Variants in PXN observed in about 807,000 individuals in gnomAD.
PXN encodes the protein testicular tissue protein Li 134.
A neutral mutation model predicts 103.6 loss-of-function variants in PXN; 61 were observed. That is an observed-to-expected ratio of 0.59 (90% confidence interval 0.48 to 0.73). PXN has a LOEUF of 0.73. Ranked by LOEUF, PXN falls within the 30% of genes least tolerant of loss-of-function variation. PXN has a pLI of 0.00. For synonymous variants in PXN, 562 were observed against 607.8 expected (o/e 0.92, Z 1.11); for missense variants, 1,274 against 1,460.3 (o/e 0.87, Z 2.08).
rs1880126532 is a variant in PXN, at chr12:120,211,373, T to C, written c.*941A>G. 2 of 154,550 alleles carry C rather than the reference T, an allele frequency of 1.3e-5. No individual in the cohort carries two copies. The highest frequency in any genetic ancestry group is 2.9e-5 in the Non-Finnish European group (2 of 69,362). The allele number at this position is 154,550 out of a possible 1,614,324, so 9.6% of individuals were successfully genotyped here. ...GAAAGAGGGGGAGTCACAGAGCTGC[T>C]CCCAGTTCACCTGCTTGTGCTAAGA... On this transcript the variant is annotated 3_prime_UTR_variant, in exon 15 of 15. Transcript: ENST00000637617.
rs909252952 is a variant in PXN, at chr12:120,219,759, C to T, written c.1164G>A (p.Pro388=). The T allele has an allele frequency of 8.1e-6, 13 of 1,597,284 alleles. No homozygotes were observed. The highest frequency in any genetic ancestry group is 4.5e-5 in the East Asian group (2 of 44,832). ...ESQGRDWRHL[P]TITSELSGAP... ...CCCCAGAGAGCTCACTTGTGATGGT[C>T]GGCAGGTGCCTCCAATCTCGACCCT... The change falls in exon 7 of 15, where the codon CCG becomes CCA. Residue 388 remains proline, a synonymous_variant. Coordinates refer to ENST00000637617, the MANE Select transcript of PXN (RefSeq NM_001385981.1). This position sits in a 1 kb window ranked among gnomAD's most constrained non-coding sequence, Gnocchi z 6.5.
chr12:120,212,466 T>C lies in PXN; in HGVS notation c.3094A>G (p.Ile1032Val). The C allele has an allele frequency of 4.3e-6, 7 of 1,613,942 alleles. No individual in the cohort carries two copies. The highest frequency in any genetic ancestry group is 5.1e-6 in the Non-Finnish European group (6 of 1,179,872). Residue 1032 changes from isoleucine (I) to valine (V), a missense_variant, in exon 15 of 15, where the codon ATC becomes GTC. Physicochemically the swap from Ile to Val is conservative, Grantham distance 29 (BLOSUM62 3). Around this residue, in one of 2 missense-constraint regions of PXN, gnomAD observed 96 missense variants for 151.3 expected, o/e 0.63. Transcript: ENST00000637617. The surrounding 1 kb of genome is among the most constrained non-coding windows in gnomAD (Gnocchi z 7.2). Reference sequence around the variant, plus strand: ...ATGGCGGTGATGCAGCGGCCGGTGATGGGCTTCTGGCAGCCAGAACACAGC... The same window carrying C: ...ATGGCGGTGATGCAGCGGCCGGTGACGGGCTTCTGGCAGCCAGAACACAGC... ...GSLCSGCQKPITGRCITAMAK... is the reference protein window; with the variant it reads ...GSLCSGCQKPVTGRCITAMAK...
intron 1 of PXN, among the ~76,000 whole-genome samples, chr12:120,255,851 G>C (rs186621611): frequency 6.4e-4 from 96 of 151,154 alleles, no homozygotes; most frequent in Non-Finnish European, 5.9e-5. Flanking sequence ...TTCGAGACCA[G>C]CCTGGCCAAC....
Position 120,215,284 on chromosome 12 carries a change from G to A in PXN, c.2404-11C>T, listed in dbSNP as rs573361840. ...CCCCTGGGCCATGAACTGTGGACAC[G>A]GAGGGGGCTGGTCAGGACTCCTGAG... On this transcript the variant is annotated splice_polypyrimidine_tract_variant and intron_variant, in intron 10 of 14. Transcript: ENST00000637617. The surrounding 1 kb of genome is among the most constrained non-coding windows in gnomAD (Gnocchi z 4.9). 9.3e-5 allele frequency: 146 copies of A among 1,576,622 alleles called. 3 individuals are homozygous for A. The South Asian group carries it at 1.5e-3, about 16-fold the overall frequency.
chr12:120,230,788 G>T (rs1052456912), intron 1 of PXN, among the ~76,000 whole-genome samples: 23 of 152,122 alleles, frequency 1.5e-4, no homozygotes, highest in African/African-American at 4.8e-4. Flanking sequence ...TCTGTCCTCA[G>T]TAAGGGCCAA....
intron 1 of PXN, among the ~76,000 whole-genome samples, chr12:120,258,753 C>G (rs1893409590): frequency 6.6e-6 from 1 of 151,842 alleles, no homozygotes; most frequent in South Asian, 2.1e-4. Flanking sequence ...TCCTTTTTTT[C>G]ATTATATCAT....
chr12:120,222,719 C>T lies in PXN; in HGVS notation c.525G>A (p.Gly175=). The change falls in exon 5 of 15, where the codon GGG becomes GGA. Residue 175 remains glycine, a synonymous_variant. Coordinates refer to ENST00000637617, the MANE Select transcript of PXN (RefSeq NM_001385981.1). This position sits in a 1 kb window ranked among gnomAD's most constrained non-coding sequence, Gnocchi z 4.7. Reference sequence around the variant, plus strand: ...GGACACCATAGAGGGGGCTCAGGGCCCCAGGAAGCGGGGGGCTTGAGTTGG... The same window carrying T: ...GGACACCATAGAGGGGGCTCAGGGCTCCAGGAAGCGGGGGGCTTGAGTTGG... The part of the protein sequence containing the change: ...DEANSSPPLP[G]ALSPLYGVPE... 6.2e-7 allele frequency: 1 copy of T among 1,608,418 alleles called. No individual in the cohort carries two copies. Among genetic ancestry groups the T allele is most frequent in the East Asian group, 2.2e-5 (1 of 44,734 alleles).
At position 120,224,519 on chromosome 12, in the gene PXN, C is replaced by T; in HGVS notation, c.14-142G>A. 1.3e-6 allele frequency: 1 copy of T among 764,792 alleles called. No homozygotes were observed. Among genetic ancestry groups the T allele is most frequent in the Non-Finnish European group, 2.3e-6 (1 of 426,624 alleles). 47.4% of individuals were successfully genotyped at this position (764,792 alleles called of 1,614,324 possible). A position where few individuals can be genotyped will look rare whatever the true frequency, so the allele number is the denominator to read the frequency against. Reference sequence around the variant, plus strand: ...ATGGGAGAAATGACCAGCCTTGGGACAGGAAGCCACCAGCCCCGACCAGCC... The same window carrying T: ...ATGGGAGAAATGACCAGCCTTGGGATAGGAAGCCACCAGCCCCGACCAGCC... On this transcript the variant is annotated intron_variant, in intron 1 of 14. Coordinates refer to ENST00000637617, the MANE Select transcript of PXN (RefSeq NM_001385981.1). This position sits in a 1 kb window ranked among gnomAD's most constrained non-coding sequence, Gnocchi z 5.0.
chr12:120,258,482 C>G (rs1331392128), intron 1 of PXN, among the ~76,000 whole-genome samples: 1 of 152,200 alleles, frequency 6.6e-6, no homozygotes, highest in Non-Finnish European at 1.5e-5. Context: ...GTCTTCCCAC[C>G]ACCTGCTCAA....
At chr12:120,263,006 A>G (rs1203888533) in intron 1 of PXN, among the ~76,000 whole-genome samples, 2 of 152,138 alleles carry the variant, frequency 1.3e-5, no homozygotes, top group Non-Finnish European at 2.9e-5. Flanking sequence ...AGAGTTCCCC[A>G]TTTTTTATTA....
chr12:120,241,500 A>G (rs1230598201), intron 1 of PXN, among the ~76,000 whole-genome samples: 1 of 152,212 alleles, frequency 6.6e-6, no homozygotes, highest in Non-Finnish European at 1.5e-5. Context: ...GATGGCTCCA[A>G]TCGCGTTCAC....
In PXN at chr12:120,224,107, T is replaced by A. The variant is rs185318743; in HGVS notation, c.240+44A>T. The A allele has an allele frequency of 1.4e-6, 2 of 1,437,112 alleles. No homozygotes were observed. Among genetic ancestry groups the A allele is most frequent in the Admixed American group, 4.4e-5 (2 of 45,894 alleles). 89.0% of individuals were successfully genotyped at this position (1,437,112 alleles called of 1,614,324 possible). The stretch of plus-strand genomic sequence containing the variant: ...GCCCCTGCCAGCTAAGTTCCCTCTG[T>A]CCCCCAGCCTCCTTGGCCTTCCCAG... On this transcript the variant is annotated intron_variant, in intron 2 of 14. Coordinates refer to ENST00000637617, the MANE Select transcript of PXN (RefSeq NM_001385981.1). This position sits in a 1 kb window ranked among gnomAD's most constrained non-coding sequence, Gnocchi z 5.0.
Position 120,217,958 on chromosome 12 carries a change from A to G in PXN, c.1717-842T>C, listed in dbSNP as rs1883774759. Reference sequence around the variant, plus strand: ...ATTTATATTATTATGCTAATATTATATTATGCTATTATACTTGTTGGTAGT... The same window carrying G: ...ATTTATATTATTATGCTAATATTATGTTATGCTATTATACTTGTTGGTAGT... On this transcript the variant is annotated intron_variant, in intron 7 of 14. Transcript: ENST00000637617. This position sits in a 1 kb window ranked among gnomAD's most constrained non-coding sequence, Gnocchi z 4.1. Among the ~76,000 whole-genome samples, 1 of 148,392 alleles carries G rather than the reference A, an allele frequency of 6.7e-6. No homozygotes were observed. Among genetic ancestry groups the G allele is most frequent in the Admixed American group, 6.7e-5 (1 of 14,916 alleles).
rs937387797 is a variant in PXN at position 120,214,904 on chromosome 12, T to A, written c.2669A>T (p.Asp890Val). The A allele has an allele frequency of 6.2e-7, 1 of 1,613,990 alleles. No homozygotes were observed. Among genetic ancestry groups the A allele is most frequent in the South Asian group, 1.1e-5 (1 of 91,088 alleles). The change falls in exon 12 of 15, where the codon GAT becomes GTT. Residue 890 changes from aspartate to valine, a missense_variant. Asp to Val is a radical substitution (Grantham distance 152). Transcript: ENST00000637617. The surrounding 1 kb of genome is among the most constrained non-coding windows in gnomAD (Gnocchi z 5.0). ...GTCCTTTTCACAGTAGGGCTGTCCATCCCGCTCGAAGAAGTTCCGGGATCC... is the reference window on the plus strand; with the variant it reads ...GTCCTTTTCACAGTAGGGCTGTCCAACCCGCTCGAAGAAGTTCCGGGATCC... The part of the protein sequence containing the change: ...EIGSRNFFER[D>V]GQPYCEKDYH...
At position 120,219,667 on chromosome 12, in the gene PXN, C is replaced by T. The variant is rs1363266442; in HGVS notation, c.1256G>A (p.Gly419Glu). ...TALQEPGEPQ[G>E]PPASPSCPEE... is the part of the protein sequence containing the mutation. Reference sequence around the variant, plus strand: ...TGGGCACGAAGGGCTGGCTGGTGGCCCCTGGGGCTCCCCAGGCTCTTGGAG... The same window carrying T: ...TGGGCACGAAGGGCTGGCTGGTGGCTCCTGGGGCTCCCCAGGCTCTTGGAG... The change falls in exon 7 of 15, where the codon GGG becomes GAG. Residue 419 changes from glycine (G) to glutamate (E), a missense_variant. By Grantham distance (98) the Gly-to-Glu change is moderately conservative. Around this residue, in one of 2 missense-constraint regions of PXN, gnomAD observed 1,178 missense variants for 1,309.0 expected, o/e 0.90. Coordinates refer to ENST00000637617, the MANE Select transcript of PXN (RefSeq NM_001385981.1). The surrounding 1 kb of genome is among the most constrained non-coding windows in gnomAD (Gnocchi z 6.5). 1 of 1,585,908 alleles carries T rather than the reference C, an allele frequency of 6.3e-7. No individual in the cohort carries two copies. The highest frequency in any genetic ancestry group is 8.5e-7 in the Non-Finnish European group (1 of 1,174,372).
chr12:120,263,161 T>C (rs1393156652), intron 1 of PXN, among the ~76,000 whole-genome samples: 2 of 151,570 alleles, frequency 1.3e-5, no homozygotes, highest in East Asian at 3.9e-4. Flanking sequence ...AGGTCTGGGC[T>C]TTGTGTCCAC....
chr12:120,258,841 C>T (rs927927454), intron 1 of PXN, among the ~76,000 whole-genome samples: 2 of 152,078 alleles, frequency 1.3e-5, no homozygotes, highest in Non-Finnish European at 2.9e-5. Context: ...GGGTGGATCA[C>T]CTGAGGTCGG....
Position 120,244,090 on chromosome 12 carries a change from G to A in PXN, c.14-19713C>T, listed in dbSNP as rs117953963. ...TAAGAGCTCACTGTATGCAAAGCCC[G>A]GTGAGGGAGAGCAACACAGGAGCAC... On this transcript the variant is annotated intron_variant, in intron 1 of 14. Coordinates refer to ENST00000637617, the MANE Select transcript of PXN (RefSeq NM_001385981.1). Among the ~76,000 whole-genome samples the A allele has an allele frequency of 2.9e-3, 437 of 150,968 alleles. 2 individuals carry two copies. Among genetic ancestry groups the A allele is most frequent in the Non-Finnish European group, 5.5e-3 (371 of 67,812 alleles).
In PXN at chr12:120,217,276, G is replaced by A. The variant is rs578072802; in HGVS notation, c.1717-160C>T. Among the ~76,000 whole-genome samples, 7 of 151,936 alleles carry A rather than the reference G, an allele frequency of 4.6e-5. No individual in the cohort carries two copies. The highest frequency in any genetic ancestry group is 6.6e-5 in the Admixed American group (1 of 15,260). ...GCACGGGGAGGGGGCAGATTGGACC[G>A]GTGGAGGTGGGTAGAGGCAAGGGGA... On this transcript the variant is annotated intron_variant, in intron 7 of 14. Coordinates refer to ENST00000637617, the MANE Select transcript of PXN (RefSeq NM_001385981.1). The surrounding 1 kb of genome is among the most constrained non-coding windows in gnomAD (Gnocchi z 4.1).
Sources: allele counts gnomAD v4.1 joint callset (sites outside exome capture counted in the v4.1 genomes callset), GRCh38; gene constraint gnomAD v4.1.1; regional missense constraint gnomAD v4.1.1; non-coding constraint Gnocchi (gnomAD v3.1); transcripts MANE v1.5; gene names NCBI Gene and HGNC (gene_info 2026-07-23, HGNC 2026-07-21).